ZNF804A: variants seen among roughly 807,000 people sequenced by gnomAD.
ZNF804A encodes the protein zinc finger protein 804A.
A neutral mutation model predicts 16.5 loss-of-function variants in ZNF804A; 2 were observed. That is an observed-to-expected ratio of 0.12 (90% CI 0.05 to 0.38). The LOEUF (loss-of-function observed/expected upper bound fraction) is 0.38. Ranked by LOEUF, ZNF804A falls within the 10% of genes least tolerant of loss-of-function variation. The pLI is 0.99. For missense variants in ZNF804A, 1,473 were observed against 1,390.7 expected (o/e 1.06, Z -0.94); for synonymous variants, 534 against 489.6 (o/e 1.09, Z -1.20).
Position 184,938,588 on chromosome 2 carries a change from G to C in ZNF804A, c.3192G>C (p.Lys1064Asn), listed in dbSNP as rs763862583. ...HILQPNMLAN[K>N]VKFTFPPAAL... ...TGCAGCCAAACATGCTGGCCAACAA[G>C]GTTAAATTTACCTTTCCTCCAGCTG... The change falls in exon 4 of 4, where the codon AAG becomes AAC. Residue 1064 changes from lysine to asparagine, a missense_variant. Transcript: ENST00000302277. 6.2e-7 allele frequency: 1 copy of C among 1,613,968 alleles called. No homozygotes were observed. Among genetic ancestry groups the C allele is most frequent in the Non-Finnish European group, 8.5e-7 (1 of 1,179,978 alleles).
intron 1 of ZNF804A, among the ~76,000 whole-genome samples, chr2:184,810,484 CTTTTTTTT>C (rs1175105602): frequency 0.017 from 1,598 of 96,024 alleles, 24 homozygotes; most frequent in African/African-American, 0.067. Context: ...TGTTCTTTTC[CTTTTTTTT>C]TTTTTTTTTT....
At chr2:184,709,158 T>G (rs1306258904) in intron 1 of ZNF804A, among the ~76,000 whole-genome samples, 1 of 152,106 alleles carries the variant, frequency 6.6e-6, no homozygotes, top group Non-Finnish European at 1.5e-5. Flanking sequence ...TAAAGAGGGT[T>G]TGTACTGCCC....
chr2:184,854,148 C>A (rs1189561108), intron 1 of ZNF804A, among the ~76,000 whole-genome samples: 3 of 151,660 alleles, frequency 2.0e-5, no homozygotes, highest in Non-Finnish European at 4.4e-5. Flanking sequence ...TGGAGTGTCC[C>A]TAATACAAAA....
chr2:184,598,741 G>A lies in ZNF804A; in HGVS notation c.-219G>A. On this transcript the variant is annotated 5_prime_UTR_variant, in exon 1 of 4. Transcript: ENST00000302277. ...CGAATCTGAGGAGAAACAGGAGCGAGAGACTGAGGGGAGAGCGCGGCGAGC... is the reference window on the plus strand; with the variant it reads ...CGAATCTGAGGAGAAACAGGAGCGAAAGACTGAGGGGAGAGCGCGGCGAGC... 6 of 347,708 alleles carry A rather than the reference G, an allele frequency of 1.7e-5. No individual in the cohort carries two copies. Among genetic ancestry groups the A allele is most frequent in the Non-Finnish European group, 3.1e-5 (6 of 195,642 alleles). 21.5% of individuals were successfully genotyped at this position (347,708 alleles called of 1,614,324 possible).
chr2:184,656,980 C>G (rs1256275491), intron 1 of ZNF804A, among the ~76,000 whole-genome samples: 2 of 152,112 alleles, frequency 1.3e-5, no homozygotes, highest in East Asian at 3.9e-4. Context: ...AATTAGGTCT[C>G]TGTTTTCAAG....
intron 1 of ZNF804A, among the ~76,000 whole-genome samples, chr2:184,600,876 A>G (rs192183412): frequency 2.6e-5 from 4 of 152,244 alleles, no homozygotes; most frequent in Non-Finnish European, 4.4e-5. Context: ...TAAAGTCTAG[A>G]TTTACCATTG....
intron 2 of ZNF804A, among the ~76,000 whole-genome samples, chr2:184,923,417 A>G (rs928453118): frequency 2.0e-5 from 3 of 151,914 alleles, no homozygotes; most frequent in African/African-American, 7.2e-5. Context: ...ACTTTACTGA[A>G]TTTGTTCATC....
chr2:184,626,239 G>A (rs182093276), intron 1 of ZNF804A, among the ~76,000 whole-genome samples: 164 of 152,158 alleles, frequency 1.1e-3, no homozygotes, highest in Non-Finnish European at 2.0e-3. Context: ...TCTAGCCCCG[G>A]TTGTTTTGTT....
intron 2 of ZNF804A, among the ~76,000 whole-genome samples, chr2:184,928,445 A>T (rs1168136119): frequency 6.6e-6 from 1 of 151,876 alleles, no homozygotes; most frequent in African/African-American, 2.4e-5. Flanking sequence ...ATCTTTTAGG[A>T]GCCATGAGCT....
chr2:184,724,466 ATCAGAGAGT>A (rs143196046), intron 1 of ZNF804A, among the ~76,000 whole-genome samples: 50,392 of 151,134 alleles, frequency 0.33, 11,679 homozygotes, highest in African/African-American at 0.66. Flanking sequence ...CAGGCAAAGA[ATCAGAGAGT>A]TCAGAGAGTT....
chr2:184,792,868 G>A (rs987184609), intron 1 of ZNF804A, among the ~76,000 whole-genome samples: 2 of 151,918 alleles, frequency 1.3e-5, no homozygotes, highest in Admixed American at 6.6e-5. Flanking sequence ...TATGGATCCC[G>A]TCACCCAGGT....
chr2:184,675,460 CAT>C (rs1692407796), intron 1 of ZNF804A, among the ~76,000 whole-genome samples: 1 of 151,618 alleles, frequency 6.6e-6, no homozygotes, highest in Non-Finnish European at 1.5e-5. Flanking sequence ...AATTTTCTTG[CAT>C]ATGTTTGATA....
chr2:184,650,351 T>C (rs1450626598), intron 1 of ZNF804A, among the ~76,000 whole-genome samples: 1 of 152,066 alleles, frequency 6.6e-6, no homozygotes, highest in African/African-American at 2.4e-5. Flanking sequence ...GTAGTGAACA[T>C]CACTCTGAAA....
chr2:184,735,267 T>C (rs1304665408), intron 1 of ZNF804A, among the ~76,000 whole-genome samples: 2 of 152,164 alleles, frequency 1.3e-5, no homozygotes, highest in Non-Finnish European at 2.9e-5. Flanking sequence ...GATCAGGCTG[T>C]AAAATACAAT....
rs1695133280 is a variant in ZNF804A at position 184,824,725 on chromosome 2, C to G, written c.112-41644C>G. 3.3e-5 allele frequency among the ~76,000 whole-genome samples: 5 copies of G among 152,066 alleles called. No individual in the cohort carries two copies. In the South Asian group the frequency reaches 8.3e-4, roughly 25 times the overall value. On this transcript the variant is annotated intron_variant, in intron 1 of 3. Coordinates refer to ENST00000302277, the MANE Select transcript of ZNF804A (RefSeq NM_194250.2). ...TACCGTGTGAATGGTTTGTCTCTTG[C>G]CTATGGTATTACAGGGTTGAATCAA...
At chr2:184,925,886 G>T (rs2105839006) in intron 2 of ZNF804A, among the ~76,000 whole-genome samples, 1 of 151,452 alleles carries the variant, frequency 6.6e-6, no homozygotes. Context: ...ATTTTTTGTT[G>T]TTTCTGTTTT....
chr2:184,731,430 T>C (rs1192205667), intron 1 of ZNF804A, among the ~76,000 whole-genome samples: 1 of 151,964 alleles, frequency 6.6e-6, no homozygotes, highest in Non-Finnish European at 1.5e-5. Context: ...GCCATTCGAA[T>C]AGATATGTAG....
At chr2:184,688,221 C>G (rs958967871) in intron 1 of ZNF804A, among the ~76,000 whole-genome samples, 2 of 151,960 alleles carry the variant, frequency 1.3e-5, no homozygotes, top group African/African-American at 4.8e-5. Flanking sequence ...AGTGATAGAA[C>G]AAATTATATA....
At chr2:184,751,796 C>A (rs924240004) in intron 1 of ZNF804A, among the ~76,000 whole-genome samples, 2 of 151,538 alleles carry the variant, frequency 1.3e-5, no homozygotes, top group African/African-American at 4.8e-5. Context: ...ATACAAACAA[C>A]CACATTAAAA....
Sources: allele counts gnomAD v4.1 joint callset (sites outside exome capture counted in the v4.1 genomes callset), GRCh38; gene constraint gnomAD v4.1.1; transcripts MANE v1.5; gene names NCBI Gene and HGNC (gene_info 2026-07-23, HGNC 2026-07-21).